CACNA1E: variants seen among roughly 807,000 people sequenced by gnomAD.
CACNA1E encodes the protein calcium voltage-gated channel subunit alpha1 E.
CACNA1E carries 40 observed loss-of-function variants against 259.2 expected under a neutral mutation model. That is an observed-to-expected ratio of 0.15 (90% confidence interval 0.12 to 0.20). The LOEUF (loss-of-function observed/expected upper bound fraction) is 0.20, where lower values mean the gene tolerates loss of function less well. Ranked by LOEUF, CACNA1E falls within the 10% of genes least tolerant of loss-of-function variation. The probability of loss-of-function intolerance (pLI) is 1.00; values close to 1 mark genes in which losing one functional copy is unlikely to be tolerated. For synonymous variants in CACNA1E, 1,104 were observed against 1,138.5 expected, an observed-to-expected ratio of 0.97 and a Z score of 0.61; for missense variants, 1,874 against 3,040.1, an observed-to-expected ratio of 0.62 and a Z score of 9.02.
chr1:181,469,111 C>T (rs1221312587), intron 2 of CACNA1E, among the ~76,000 whole-genome samples: 4 of 151,942 alleles, frequency 2.6e-5, no homozygotes, highest in Non-Finnish European at 4.4e-5. Context: ...ATTGTACAAG[C>T]GCTTCAATTT....
chr1:181,502,336 A>G (rs1422933529), intron 1 of CACNA1E, among the ~76,000 whole-genome samples: 1 of 152,204 alleles, frequency 6.6e-6, no homozygotes, highest in East Asian at 1.9e-4. Context: ...AGAGAATTGA[A>G]AAGTTCATCT....
intron 6 of CACNA1E, among the ~76,000 whole-genome samples, chr1:181,599,139 T>A (rs934655332): frequency 5.4e-5 from 8 of 147,060 alleles, no homozygotes; most frequent in Non-Finnish European, 9.0e-5. Context: ...TAGGCCCCAG[T>A]GTGTGTTGTT....
chr1:181,708,902 G>A (rs545245500), intron 7 of CACNA1E, among the ~76,000 whole-genome samples: 6 of 152,320 alleles, frequency 3.9e-5, no homozygotes, highest in African/African-American at 9.6e-5. Context: ...GTAAGATCCA[G>A]TGAATGACCT....
chr1:181,531,024 A>G (rs1320562722), intron 3 of CACNA1E, among the ~76,000 whole-genome samples: 2 of 152,190 alleles, frequency 1.3e-5, no homozygotes, highest in Non-Finnish European at 2.9e-5. Flanking sequence ...TCTATATTTC[A>G]TATTCATCCT....
At chr1:181,452,349 G>A (rs534126790) in intron 2 of CACNA1E, among the ~76,000 whole-genome samples, 5 of 152,338 alleles carry the variant, frequency 3.3e-5, no homozygotes, top group African/African-American at 1.2e-4. Context: ...AGATAAGGAA[G>A]TGAGGCCCAG....
Position 181,765,187 on chromosome 1 carries a change from C to T in CACNA1E, c.4816-1359C>T, listed in dbSNP as rs577160874. Among the ~76,000 whole-genome samples the T allele has an allele frequency of 5.5e-4, 84 of 152,260 alleles. No individual in the cohort carries two copies. The Middle Eastern group carries it at 0.034, about 62-fold the overall frequency. On this transcript the variant is annotated intron_variant, in intron 34 of 47. Coordinates refer to ENST00000367573, the MANE Select transcript of CACNA1E (RefSeq NM_001205293.3). Reference sequence around the variant, plus strand: ...CCCTAAACAGCATCCAGTTTTCTACCTCTGACCCCTACTCTAGAGTTCTTC... The same window carrying T: ...CCCTAAACAGCATCCAGTTTTCTACTTCTGACCCCTACTCTAGAGTTCTTC...
intron 3 of CACNA1E, 103 bp from the exon 4 acceptor site, chr1:181,577,663 T>G (rs1333350000): frequency 1.4e-6 from 1 of 691,680 alleles, no homozygotes; most frequent in Admixed American, 2.4e-5. Flanking sequence ...GCGTCAGCGC[T>G]GTGTGCTTTC....
At position 181,739,143 on chromosome 1, in the gene CACNA1E, G is replaced by A. The variant is rs540047644; in HGVS notation, c.3613-4G>A. The A allele has an allele frequency of 1.1e-5, 18 of 1,576,488 alleles. No individual in the cohort carries two copies. The East Asian group carries it at 4.0e-4, about 35-fold the overall frequency. On this transcript the variant is annotated splice_region_variant and splice_polypyrimidine_tract_variant and intron_variant, in intron 24 of 47. Transcript: ENST00000367573. Reference sequence around the variant, plus strand: ...TCACTGTGGCTGTTCATATCCTTCTGCAGATGATAGACCAAGGCTTGATCC... The same window carrying A: ...TCACTGTGGCTGTTCATATCCTTCTACAGATGATAGACCAAGGCTTGATCC...
chr1:181,550,087 T>TAGG (rs950670319), intron 3 of CACNA1E, among the ~76,000 whole-genome samples: 3 of 152,072 alleles, frequency 2.0e-5, no homozygotes, highest in Non-Finnish European at 4.4e-5. Context: ...GATGACTAGT[T>TAGG]AGGACACCAT....
At chr1:181,471,497 A>C (rs1481280887) in intron 2 of CACNA1E, among the ~76,000 whole-genome samples, 3 of 152,232 alleles carry the variant, frequency 2.0e-5, no homozygotes, top group South Asian at 2.1e-4. Flanking sequence ...CCTTCCACAG[A>C]TGTTGGTTAC....
chr1:181,569,690 G>A (rs183308267), intron 3 of CACNA1E, among the ~76,000 whole-genome samples: 6 of 152,176 alleles, frequency 3.9e-5, no homozygotes, highest in Non-Finnish European at 7.3e-5. Context: ...TCACAGCTCC[G>A]TGGATGCGTC....
intron 6 of CACNA1E, among the ~76,000 whole-genome samples, chr1:181,581,094 A>C (rs1354995652): frequency 1.3e-5 from 2 of 152,150 alleles, no homozygotes; most frequent in Non-Finnish European, 2.9e-5. Flanking sequence ...GGTAGGGTAT[A>C]GTGAAGGGTA....
chr1:181,638,706 T>A (rs1395002802), intron 6 of CACNA1E, among the ~76,000 whole-genome samples: 1 of 152,066 alleles, frequency 6.6e-6, no homozygotes, highest in Non-Finnish European at 1.5e-5. Flanking sequence ...CACGTAGAGG[T>A]GATTGACTCA....
intron 1 of CACNA1E, among the ~76,000 whole-genome samples, chr1:181,373,541 T>C (rs554004413): frequency 5.2e-4 from 75 of 144,264 alleles, no homozygotes; most frequent in South Asian, 1.3e-3. Context: ...TTCTTTCTTT[T>C]TTTTTTTTTT....
intron 3 of CACNA1E, among the ~76,000 whole-genome samples, chr1:181,525,653 T>A (rs1490126755): frequency 6.6e-6 from 1 of 152,228 alleles, no homozygotes; most frequent in East Asian, 1.9e-4. Flanking sequence ...TTCCATTTAC[T>A]AATTTCTTTT....
chr1:181,470,513 C>T (rs551602775), intron 2 of CACNA1E, among the ~76,000 whole-genome samples: 6 of 152,160 alleles, frequency 3.9e-5, no homozygotes, highest in Admixed American at 3.9e-4. Flanking sequence ...TGAACTGCCA[C>T]ATCTGGCCTT....
At chr1:181,739,035 G>T in intron 24 of CACNA1E, 112 bp from the exon 25 acceptor site, 1 of 764,078 alleles carries the variant, frequency 1.3e-6, no homozygotes, top group African/African-American at 1.7e-5. Flanking sequence ...TCCTAGCATA[G>T]GGTTGGTTGT....
chr1:181,334,905 G>A (rs1196782637), intron 1 of CACNA1E, among the ~76,000 whole-genome samples: 2 of 152,142 alleles, frequency 1.3e-5, no homozygotes, highest in African/African-American at 4.8e-5. Context: ...GCCCTGCAGG[G>A]TCTGAGAGCT....
In CACNA1E at chr1:181,733,479, A is replaced by G. The variant is rs1303664252; in HGVS notation, c.2991A>G (p.Gly997=). 6.4e-7 allele frequency: 1 copy of G among 1,563,280 alleles called. No individual in the cohort carries two copies. Among genetic ancestry groups the G allele is most frequent in the Non-Finnish European group, 8.7e-7 (1 of 1,153,000 alleles). ...TGTCCAGAGGCTCCGGGCTGGCAGG[A>G]GGCCTTGATGAGGCTGACACCCCCC... ...LMVSRGSGLA[G]GLDEADTPLV... Residue 997 remains glycine (G), a synonymous_variant, in exon 21 of 48, where the codon GGA becomes GGG. Transcript: ENST00000367573.
Sources: allele counts gnomAD v4.1 joint callset (sites outside exome capture counted in the v4.1 genomes callset), GRCh38; gene constraint gnomAD v4.1.1; transcripts MANE v1.5; gene names NCBI Gene and HGNC (gene_info 2026-07-23, HGNC 2026-07-21).